Variants in CLEC4A observed in about 807,000 individuals in gnomAD.
The protein encoded by CLEC4A is C-type lectin domain family 4 member A.
A neutral mutation model predicts 32.7 loss-of-function variants in CLEC4A; 27 were observed. The ratio of observed to expected loss-of-function variants is 0.83; its 90% CI spans 0.61 to 1.14. The LOEUF (loss-of-function observed/expected upper bound fraction) is 1.14. Ranked by LOEUF, CLEC4A falls within the 50% of genes most tolerant of loss-of-function variation. The pLI, the probability that CLEC4A is intolerant of heterozygous loss-of-function variation, is 0.00. For synonymous variants in CLEC4A, 89 were observed against 93.7 expected (o/e 0.95, Z 0.29); for missense variants, 253 against 274.6 (o/e 0.92, Z 0.55).
At chr12:8,126,678 G>T (rs1283350646) in intron 2 of CLEC4A, among the ~76,000 whole-genome samples, 1 of 152,174 alleles carries the variant, frequency 6.6e-6, no homozygotes, top group Non-Finnish European at 1.5e-5. Context: ...AAGAAATTTA[G>T]AGAATGATAA....
At chr12:8,115,893 ATCC>A in the CLEC4A span, among the ~76,000 whole-genome samples, 1 of 151,910 alleles carries the variant, frequency 6.6e-6, no homozygotes, top group Admixed American at 6.6e-5. Context: ...GGCTCAAGTG[ATCC>A]TCCCACCTCA....
chr12:8,129,373 A>T lies in CLEC4A; in HGVS notation c.298+11A>T, dbSNP rs751417570. 9.8e-6 allele frequency: 15 copies of T among 1,532,610 alleles called. No homozygotes were observed. The African/African-American group carries it at 2.1e-4, about 21-fold the overall frequency. The allele number at this position is 1,532,610 out of a possible 1,614,324, so 94.9% of individuals were successfully genotyped here. Reference sequence around the variant, plus strand: ...ATATGCCCGTGGAAGGTAAAAATTAATGTGCCTAGAATTCAGTTGCTGAAT... The same window carrying T: ...ATATGCCCGTGGAAGGTAAAAATTATTGTGCCTAGAATTCAGTTGCTGAAT... On this transcript the variant is annotated intron_variant, in intron 3 of 5. Transcript: ENST00000229332.
At chr12:8,105,650 G>C in the CLEC4A span, among the ~76,000 whole-genome samples, 1 of 152,044 alleles carries the variant, frequency 6.6e-6, no homozygotes, top group Non-Finnish European at 1.5e-5. Context: ...GTGCCCGGCT[G>C]ATGTTGAGCA....
intron 3 of CLEC4A, 143 bp downstream of exon 3, chr12:8,129,505 A>G (rs979582993): frequency 1.2e-5 from 8 of 667,316 alleles, no homozygotes; most frequent in Non-Finnish European, 2.1e-5. Context: ...ACAAATATCT[A>G]GGACATGCTG....
At chr12:8,137,361 C>G (rs1948140576) in intron 5 of CLEC4A, among the ~76,000 whole-genome samples, 1 of 152,072 alleles carries the variant, frequency 6.6e-6, no homozygotes, top group Non-Finnish European at 1.5e-5. Flanking sequence ...TCACTGCAGC[C>G]TTGAATTCCT....
chr12:8,136,937 C>G, intron 5 of CLEC4A, 34 bp downstream of exon 5: 6 of 1,436,938 alleles, frequency 4.2e-6, no homozygotes, highest in Non-Finnish European at 5.9e-6. Context: ...AATCTTGGGT[C>G]CTGGATCATG....
chr12:8,131,824 CTA>C (rs143094171), intron 3 of CLEC4A, among the ~76,000 whole-genome samples: 3 of 147,954 alleles, frequency 2.0e-5, no homozygotes, highest in African/African-American at 5.0e-5. Context: ...ATATATATAT[CTA>C]TATATATATA....
intron 3 of CLEC4A, chr12:8,134,682 T>A: frequency 6.3e-7 from 1 of 1,578,884 alleles, no homozygotes; most frequent in East Asian, 2.3e-5. Context: ...AATCCCCCAC[T>A]CCTCAGAGCC....
the CLEC4A span, among the ~76,000 whole-genome samples, chr12:8,106,966 A>G: frequency 6.6e-6 from 1 of 152,208 alleles, no homozygotes; most frequent in East Asian, 1.9e-4. Context: ...CTCAAGGAGA[A>G]TGCTTCCAGC....
chr12:8,138,331 A>T lies in CLEC4A; in HGVS notation c.*44A>T. 6.2e-7 allele frequency: 1 copy of T among 1,604,458 alleles called. No homozygotes were observed. The highest frequency in any genetic ancestry group is 1.1e-5 in the South Asian group (1 of 90,434). On this transcript the variant is annotated 3_prime_UTR_variant, in exon 6 of 6. Coordinates refer to ENST00000229332, the MANE Select transcript of CLEC4A (RefSeq NM_016184.4). ...ACAGGTGGTTGGATTGGTATCTGTC[A>T]TTGTAGGGATAGATAATAAGCTCTT...
the CLEC4A span, among the ~76,000 whole-genome samples, chr12:8,113,872 G>A: frequency 1.3e-5 from 2 of 152,154 alleles, no homozygotes; most frequent in African/African-American, 4.8e-5. Context: ...CCTTAAAATT[G>A]TGTCCCCAAG....
At chr12:8,130,799 G>T (rs750841520) in intron 3 of CLEC4A, among the ~76,000 whole-genome samples, 1 of 152,254 alleles carries the variant, frequency 6.6e-6, no homozygotes, top group East Asian at 1.9e-4. Flanking sequence ...CATCTTACAT[G>T]AATATAGTAT....
At chr12:8,117,038 C>T in the CLEC4A span, among the ~76,000 whole-genome samples, 1 of 152,132 alleles carries the variant, frequency 6.6e-6, no homozygotes, top group Admixed American at 6.5e-5. Context: ...GTCTCTTCAG[C>T]CTGCAGCTAC....
intron 1 of CLEC4A, 100 bp downstream of exon 1, chr12:8,124,060 AT>A: frequency 1.3e-6 from 1 of 786,794 alleles, no homozygotes; most frequent in East Asian, 2.5e-5. Context: ...TGGTTGTCTG[AT>A]TGAGTATGTC....
the CLEC4A span, among the ~76,000 whole-genome samples, chr12:8,110,704 A>C: frequency 6.6e-6 from 1 of 152,132 alleles, no homozygotes; most frequent in Non-Finnish European, 1.5e-5. Context: ...ATTAGGAATC[A>C]TGTCCCTTCC....
At chr12:8,103,418 A>T in the CLEC4A span, among the ~76,000 whole-genome samples, 870 of 102,500 alleles carry the variant, frequency 8.5e-3, 8 homozygotes, top group African/African-American at 0.032. Flanking sequence ...ACGGAGTCTC[A>T]CTCTGTCGCC....
chr12:8,119,607 C>T (rs1947814870), upstream of CLEC4A, among the ~76,000 whole-genome samples: 1 of 152,250 alleles, frequency 6.6e-6, no homozygotes. Context: ...GCCCTATTTA[C>T]TCCATCCTTA....
intron 2 of CLEC4A, among the ~76,000 whole-genome samples, chr12:8,128,732 T>C (rs1393082248): frequency 1.3e-5 from 2 of 152,156 alleles, no homozygotes; most frequent in Non-Finnish European, 2.9e-5. Flanking sequence ...GTGGGTTAGT[T>C]TTAAACTGGG....
the CLEC4A span, among the ~76,000 whole-genome samples, chr12:8,109,481 T>C: frequency 2.6e-5 from 4 of 152,214 alleles, no homozygotes; most frequent in Non-Finnish European, 4.4e-5. Flanking sequence ...AGTTAAACTT[T>C]GTTTGCCTCA....
Sources: allele counts gnomAD v4.1 joint callset (sites outside exome capture counted in the v4.1 genomes callset), GRCh38; gene constraint gnomAD v4.1.1; transcripts MANE v1.5; gene names NCBI Gene and HGNC (gene_info 2026-07-23, HGNC 2026-07-21).